Variants in EFCAB13 observed in about 807,000 individuals in gnomAD.
EFCAB13 encodes EF-hand calcium-binding domain-containing protein 13.
A neutral mutation model predicts 110.2 loss-of-function variants in EFCAB13; 91 were observed. The observed-to-expected ratio is 0.83, with a 90% confidence interval of 0.70 to 0.98. The LOEUF (loss-of-function observed/expected upper bound fraction) is 0.98, where lower values mean the gene tolerates loss of function less well. Ranked by LOEUF, EFCAB13 falls within the 50% of genes least tolerant of loss-of-function variation. EFCAB13 has a pLI of 0.00. For missense variants in EFCAB13, 968 were observed against 1,119.4 expected, an observed-to-expected ratio of 0.86 and a Z score of 1.93; for synonymous variants, 323 against 369.9, an observed-to-expected ratio of 0.87 and a Z score of 1.45.
rs567269788 is a variant in EFCAB13 at position 47,415,703 on chromosome 17, A to C, written c.2494+784A>C. On this transcript the variant is annotated intron_variant, in intron 23 of 24. Transcript: ENST00000331493. ...TAAGTCATGCCTCTGGAGTTTTCAG[A>C]TGTTCACAACTGGACTGCCCATCTA... Among the ~76,000 whole-genome samples the C allele has an allele frequency of 6.6e-5, 10 of 152,244 alleles. No individual in the cohort carries two copies. In the South Asian group the frequency reaches 2.1e-3, roughly 32 times the overall value.
intron 17 of EFCAB13, among the ~76,000 whole-genome samples, chr17:47,398,463 G>C (rs1370054977): frequency 6.6e-6 from 1 of 151,078 alleles, no homozygotes; most frequent in South Asian, 2.1e-4. Context: ...GATGGTTGCC[G>C]TGTCTGTGTA....
chr17:47,339,900 A>C (rs995676631), intron 5 of EFCAB13: 26 of 152,166 alleles, frequency 1.7e-4, no homozygotes, highest in African/African-American at 5.8e-4. Flanking sequence ...AAGGAAATGT[A>C]AAGTAAGCCT....
At chr17:47,391,642 T>C (rs2065708474) in intron 15 of EFCAB13, 62 bp downstream of exon 15, 3 of 1,432,320 alleles carry the variant, frequency 2.1e-6, no homozygotes, top group Admixed American at 2.8e-5. Context: ...CAATTTGTTA[T>C]TTTTTTCTTA....
intron 23 of EFCAB13, among the ~76,000 whole-genome samples, chr17:47,421,055 G>A (rs1179182342): frequency 3.3e-5 from 5 of 151,078 alleles, no homozygotes; most frequent in African/African-American, 7.3e-5. Context: ...CAGCCACCCC[G>A]CCCGGGAGGT....
At chr17:47,419,531 T>C (rs1904559786) in intron 23 of EFCAB13, among the ~76,000 whole-genome samples, 1 of 152,180 alleles carries the variant, frequency 6.6e-6, no homozygotes, top group Non-Finnish European at 1.5e-5. Flanking sequence ...TGAGCTGTGA[T>C]CACGCTGCTG....
intron 4 of EFCAB13, among the ~76,000 whole-genome samples, chr17:47,331,598 A>G (rs1240709986): frequency 6.6e-6 from 1 of 152,166 alleles, no homozygotes; most frequent in Non-Finnish European, 1.5e-5. Flanking sequence ...CTCAAAGTCC[A>G]TAGTTTACAT....
chr17:47,370,081 G>C (rs1209259605), intron 10 of EFCAB13, among the ~76,000 whole-genome samples: 1 of 152,140 alleles, frequency 6.6e-6, no homozygotes, highest in Non-Finnish European at 1.5e-5. Context: ...CACATCCTCT[G>C]TTCTTGAGGA....
intron 15 of EFCAB13, among the ~76,000 whole-genome samples, chr17:47,393,524 T>C (rs1452518126): frequency 6.6e-6 from 1 of 152,038 alleles, no homozygotes; most frequent in Non-Finnish European, 1.5e-5. Flanking sequence ...TACACCATTG[T>C]GTATTCATAT....
chr17:47,386,266 C>G (rs1198768281), intron 14 of EFCAB13, among the ~76,000 whole-genome samples: 1 of 152,204 alleles, frequency 6.6e-6, no homozygotes, highest in Non-Finnish European at 1.5e-5. Context: ...CCCCCAGATA[C>G]GCTGGTCCAG....
intron 23 of EFCAB13, among the ~76,000 whole-genome samples, chr17:47,423,826 G>T (rs1904822837): frequency 6.6e-6 from 1 of 152,044 alleles, no homozygotes; most frequent in Non-Finnish European, 1.5e-5. Context: ...TTACCCTCCT[G>T]CTGAGCTTTG....
chr17:47,440,504 T>A lies in EFCAB13; in HGVS notation c.2712T>A (p.Gly904=), dbSNP rs761048218. The change falls in exon 25 of 25, where the codon GGT becomes GGA. Residue 904 remains glycine (G), a synonymous_variant. Transcript: ENST00000331493. The part of the protein sequence containing the change: ...SDILTIPKAA[G]KFYLICTYCP... ...TATTGACAATTCCTAAAGCTGCAGG[T>A]AAGTTTTATTTAATATGTACTTATT... 1 of 1,611,858 alleles carries A rather than the reference T, an allele frequency of 6.2e-7. No homozygotes were observed. Among genetic ancestry groups the A allele is most frequent in the South Asian group, 1.1e-5 (1 of 90,342 alleles).
chr17:47,421,146 C>A (rs1473011940), intron 23 of EFCAB13, among the ~76,000 whole-genome samples: 1 of 151,860 alleles, frequency 6.6e-6, no homozygotes. Flanking sequence ...GGGAGGTGTA[C>A]CCAACAGCTC....
In EFCAB13 at chr17:47,347,823, G is replaced by A. The variant is rs1166933057; in HGVS notation, c.533G>A (p.Cys178Tyr). The change falls in exon 9 of 25, where the codon TGT becomes TAT. Residue 178 changes from cysteine (C) to tyrosine (Y), a missense_variant. Cys to Tyr is a radical substitution (Grantham distance 194). Coordinates refer to ENST00000331493, the MANE Select transcript of EFCAB13 (RefSeq NM_152347.5). ...SKELSALHKA[C>Y]KIFSKIRSGK... is the part of the protein sequence containing the mutation. ...GTGTGTGCAGCACTTCATAAAGCCT[G>A]TAAAATTTTTAGTAAAATTCGAAGT... 3.3e-6 allele frequency: 5 copies of A among 1,499,738 alleles called. No homozygotes were observed. In the South Asian group the frequency reaches 4.3e-5, roughly 13 times the overall value. 92.9% of individuals were successfully genotyped at this position (1,499,738 alleles called of 1,614,324 possible). A position where few individuals can be genotyped will look rare whatever the true frequency, so the allele number is the denominator to read the frequency against.
At chr17:47,419,529 G>A (rs946152796) in intron 23 of EFCAB13, among the ~76,000 whole-genome samples, 1 of 152,142 alleles carries the variant, frequency 6.6e-6, no homozygotes, top group Non-Finnish European at 1.5e-5. Flanking sequence ...AGTGAGCTGT[G>A]ATCACGCTGC....
chr17:47,330,917 A>G (rs1420828604), intron 4 of EFCAB13, among the ~76,000 whole-genome samples: 1 of 151,938 alleles, frequency 6.6e-6, no homozygotes, highest in East Asian at 1.9e-4. Flanking sequence ...ACATCATCCC[A>G]TCTGCACCAA....
intron 10 of EFCAB13, among the ~76,000 whole-genome samples, chr17:47,367,557 A>T (rs1291736565): frequency 2.6e-5 from 4 of 152,188 alleles, no homozygotes; most frequent in Non-Finnish European, 5.9e-5. Flanking sequence ...AGATACATGC[A>T]TTGCACCCCT....
At chr17:47,397,986 C>G (rs1434439492) in intron 17 of EFCAB13, among the ~76,000 whole-genome samples, 1 of 147,540 alleles carries the variant, frequency 6.8e-6, no homozygotes, top group Admixed American at 6.7e-5. Context: ...GCCCCCCGCC[C>G]GGCCAGCCGC....
intron 9 of EFCAB13, among the ~76,000 whole-genome samples, chr17:47,354,898 T>G (rs1354238387): frequency 6.6e-6 from 1 of 152,206 alleles, no homozygotes; most frequent in Non-Finnish European, 1.5e-5. Context: ...TGAGGTACTA[T>G]TCTATTCATT....
chr17:47,339,715 A>AAAAAG (rs397734444), intron 5 of EFCAB13: 5 of 151,572 alleles, frequency 3.3e-5, no homozygotes, highest in East Asian at 1.9e-4. Context: ...AAAAAAAAAA[A>AAAAAG]GGTTTTTGAC....
Sources: allele counts gnomAD v4.1 joint callset (sites outside exome capture counted in the v4.1 genomes callset), GRCh38; gene constraint gnomAD v4.1.1; transcripts MANE v1.5; gene names NCBI Gene and HGNC (gene_info 2026-07-23, HGNC 2026-07-21).